The following MBD5 variants were observed in gnomAD, a reference collection of about 807,000 sequenced individuals.
MBD5 encodes the protein methyl-CpG binding domain protein 5.
A neutral mutation model predicts 117.3 loss-of-function variants in MBD5; 13 were observed. That is an observed-to-expected ratio of 0.11 (90% CI 0.07 to 0.18). The LOEUF is 0.18. Ranked by LOEUF, MBD5 falls within the 10% of genes least tolerant of loss-of-function variation. The probability of loss-of-function intolerance (pLI) is 1.00; values close to 1 mark genes in which losing one functional copy is unlikely to be tolerated. For missense variants in MBD5, 1,879 were observed against 2,093.8 expected, an observed-to-expected ratio of 0.90 and a Z score of 2.00; for synonymous variants, 727 against 766.4, an observed-to-expected ratio of 0.95 and a Z score of 0.85.
At chr2:148,074,507 G>GTTTTTTTTTTTTTTTTT (rs11443189) in intron 1 of MBD5, among the ~76,000 whole-genome samples, 11 of 113,772 alleles carry the variant, frequency 9.7e-5, no homozygotes, top group African/African-American at 1.4e-4. Flanking sequence ...TTTTTTTTTT[G>GTTTTTTTTTTTTTTTTT]TTTTTTTTTT....
At position 148,021,489 on chromosome 2, in the gene MBD5, G is replaced by GCTGCTGCTACTGCTGCTGCTGCTA; in HGVS notation, c.-1111_-1088dup. ...TGCTGCTGCTGCTGCTGTTGCTGCT[G>GCTGCTGCTACTGCTGCTGCTGCTA]CTGCTGCTACTGCTGCTGCTGCTAC... On this transcript the variant is annotated 5_prime_UTR_variant, in exon 1 of 14. Transcript: ENST00000642680. 1.4e-5 allele frequency: 8 copies of GCTGCTGCTACTGCTGCTGCTGCTA among 577,568 alleles called. No individual in the cohort carries two copies. Among genetic ancestry groups the GCTGCTGCTACTGCTGCTGCTGCTA allele is most frequent in the South Asian group, 1.2e-4 (8 of 65,864 alleles). The allele number at this position is 577,568 out of a possible 1,614,324, so 35.8% of individuals were successfully genotyped here.
intron 1 of MBD5, among the ~76,000 whole-genome samples, chr2:148,147,367 G>A (rs944939087): frequency 2.0e-5 from 3 of 151,000 alleles, no homozygotes; most frequent in Non-Finnish European, 2.9e-5. Context: ...CTCAGCCCCC[G>A]AGAAGCTGGG....
intron 2 of MBD5, among the ~76,000 whole-genome samples, chr2:148,211,086 G>A (rs1699412022): frequency 6.6e-6 from 1 of 152,128 alleles, no homozygotes; most frequent in Non-Finnish European, 1.5e-5. Flanking sequence ...GTTTTATTGA[G>A]TAATATTTTA....
At chr2:148,253,451 T>G (rs1001934715) in intron 3 of MBD5, among the ~76,000 whole-genome samples, 1 of 152,164 alleles carries the variant, frequency 6.6e-6, no homozygotes. Context: ...TAGTACATAT[T>G]GGTTGCTGTG....
chr2:148,417,780 G>T (rs1486501840), intron 4 of MBD5, among the ~76,000 whole-genome samples: 1 of 151,742 alleles, frequency 6.6e-6, no homozygotes, highest in Non-Finnish European at 1.5e-5. Flanking sequence ...GTTTAATCAA[G>T]CCATTTGCCC....
chr2:148,480,369 T>A lies in MBD5; in HGVS notation c.2519-2741T>A, dbSNP rs78223928. On this transcript the variant is annotated intron_variant, in intron 8 of 13. Coordinates refer to ENST00000642680, the MANE Select transcript of MBD5 (RefSeq NM_001378120.1). ...AATAAAGATTAAAATTATAATAATC[T>A]CTAAGGAAAGCCTTCATCTACAAAG... is the stretch of plus-strand genomic sequence containing the variant. Among the ~76,000 whole-genome samples, 160 of 152,202 alleles carry A rather than the reference T, an allele frequency of 1.1e-3. 1 individual carries two copies. The highest frequency in any genetic ancestry group is 3.6e-3 in the African/African-American group (151 of 41,560).
At chr2:148,508,607 A>G (rs1682117599) in intron 12 of MBD5, among the ~76,000 whole-genome samples, 1 of 152,094 alleles carries the variant, frequency 6.6e-6, no homozygotes, top group African/African-American at 2.4e-5. Flanking sequence ...TATCCTATGT[A>G]CTCCTCTGCA....
intron 3 of MBD5, among the ~76,000 whole-genome samples, chr2:148,325,852 C>G (rs927064458): frequency 1.1e-4 from 17 of 152,080 alleles, no homozygotes; most frequent in African/African-American, 3.9e-4. Context: ...CTGCTCTGAT[C>G]TTAGTTACTT....
intron 3 of MBD5, chr2:148,295,796 C>A: frequency 5.8e-6 from 1 of 173,394 alleles, no homozygotes; most frequent in South Asian, 1.5e-4. Flanking sequence ...GTTGCATCCC[C>A]TGAAGTGTTA....
intron 2 of MBD5, among the ~76,000 whole-genome samples, chr2:148,232,491 T>C (rs1350519038): frequency 6.6e-6 from 1 of 152,160 alleles, no homozygotes; most frequent in Non-Finnish European, 1.5e-5. Context: ...TTTTTGTTTT[T>C]TTCAAGAAAG....
At chr2:148,025,467 C>T (rs1693866020) in intron 1 of MBD5, 1 of 151,148 alleles carries the variant, frequency 6.6e-6, no homozygotes, top group African/African-American at 2.4e-5. Context: ...TATGTGGTTG[C>T]CTTTGCTGGA....
chr2:148,366,128 A>G (rs12992721), intron 4 of MBD5, among the ~76,000 whole-genome samples: 76,131 of 151,818 alleles, frequency 0.5, 19,384 homozygotes, highest in East Asian at 0.75. Context: ...CTCATCCACC[A>G]TGATCGAGTC....
At chr2:148,146,315 A>G (rs1697462345) in intron 1 of MBD5, among the ~76,000 whole-genome samples, 1 of 152,068 alleles carries the variant, frequency 6.6e-6, no homozygotes, top group Non-Finnish European at 1.5e-5. Flanking sequence ...GCTGAAGTAC[A>G]TATTATGATC....
At chr2:148,324,111 T>A (rs553688648) in intron 3 of MBD5, among the ~76,000 whole-genome samples, 20 of 152,252 alleles carry the variant, frequency 1.3e-4, no homozygotes, top group Admixed American at 3.3e-4. Context: ...TCCTTTACCC[T>A]TTGCTTTTTT....
Position 148,314,857 on chromosome 2 carries a change from T to C in MBD5, c.-679-27357T>C, listed in dbSNP as rs545990390. Among the ~76,000 whole-genome samples, 3 of 152,298 alleles carry C rather than the reference T, an allele frequency of 2.0e-5. No homozygotes were observed. The South Asian group carries it at 6.2e-4, about 32-fold the overall frequency. ...GTTGGCAACTGTTTTTAGGCATATA[T>C]ATATATGGTTATTTTAGGGATGGTT... On this transcript the variant is annotated intron_variant, in intron 3 of 13. Coordinates refer to ENST00000642680, the MANE Select transcript of MBD5 (RefSeq NM_001378120.1).
At chr2:148,232,633 A>G (rs952596659) in intron 2 of MBD5, among the ~76,000 whole-genome samples, 6 of 135,884 alleles carry the variant, frequency 4.4e-5, no homozygotes, top group African/African-American at 1.4e-4. Flanking sequence ...ATGCAATACC[A>G]TATCTGACTT....
intron 2 of MBD5, among the ~76,000 whole-genome samples, chr2:148,182,720 C>T (rs1352597597): frequency 6.6e-6 from 1 of 152,164 alleles, no homozygotes; most frequent in Non-Finnish European, 1.5e-5. Context: ...TCAGCTTCTT[C>T]CACTCCCCTT....
intron 2 of MBD5, among the ~76,000 whole-genome samples, chr2:148,185,808 G>A (rs914891458): frequency 6.6e-6 from 1 of 152,130 alleles, no homozygotes; most frequent in Non-Finnish European, 1.5e-5. Context: ...TATTCAAGAG[G>A]ATTGCTTGAG....
At chr2:148,340,716 G>A (rs539854689) in intron 3 of MBD5, among the ~76,000 whole-genome samples, 6 of 151,982 alleles carry the variant, frequency 3.9e-5, no homozygotes, top group African/African-American at 9.6e-5. Flanking sequence ...ATACCTCATA[G>A]GATTGAAGTG....
Sources: gnomAD v4.1 joint callset for allele counts (sites outside exome capture counted in the v4.1 genomes callset) on GRCh38, gnomAD v4.1.1 for gene constraint, MANE v1.5 for transcripts, NCBI Gene and HGNC (gene_info 2026-07-23, HGNC 2026-07-21) for gene names.